Variants in HPN observed in about 807,000 individuals in gnomAD.
The protein encoded by HPN is hepsin.
A neutral mutation model predicts 55.9 loss-of-function variants in HPN; 13 were observed. The ratio of observed to expected loss-of-function variants is 0.23; its 90% CI spans 0.15 to 0.37. The LOEUF (loss-of-function observed/expected upper bound fraction) is 0.37, where lower values mean the gene tolerates loss of function less well. Among genes scored for constraint, HPN ranks in the 10% least tolerant of loss-of-function variants. HPN has a pLI of 1.00. For missense variants in HPN, 451 were observed against 575.8 expected, an observed-to-expected ratio of 0.78 and a Z score of 2.22; for synonymous variants, 225 against 240.3, an observed-to-expected ratio of 0.94 and a Z score of 0.59.
chr19:35,055,402 A>AT (rs2151761194), intron 4 of HPN, among the ~76,000 whole-genome samples: 1 of 26,300 alleles, frequency 3.8e-5, no homozygotes, highest in South Asian at 6.9e-4. Flanking sequence ...GTCTCAAAAA[A>AT]GAAAAAAAAA....
At chr19:35,055,932 C>G (rs969196917) in intron 4 of HPN, among the ~76,000 whole-genome samples, 1 of 152,112 alleles carries the variant, frequency 6.6e-6, no homozygotes, top group Non-Finnish European at 1.5e-5. Context: ...GCACCTCACA[C>G]CAGGTGCCAG....
chr19:35,064,062 C>T (rs990314857), intron 9 of HPN, among the ~76,000 whole-genome samples: 10 of 152,320 alleles, frequency 6.6e-5, no homozygotes, highest in African/African-American at 2.4e-4. Flanking sequence ...CAATGACTCA[C>T]CAATTTCTCA....
At chr19:35,049,202 T>C (rs2064377089) in intron 2 of HPN, 88 bp from the exon 3 acceptor site, 7 of 938,588 alleles carry the variant, frequency 7.5e-6, no homozygotes, top group Non-Finnish European at 1.0e-5. Context: ...AAGTTAGCCC[T>C]GGGGGCAGGG....
chr19:35,057,522 A>ATTTC (rs1967794712), intron 4 of HPN, among the ~76,000 whole-genome samples: 1 of 152,130 alleles, frequency 6.6e-6, no homozygotes, highest in African/African-American at 2.4e-5. Context: ...TTCATAAAAC[A>ATTTC]TAGAAGGGTA....
chr19:35,065,415 T>C, intron 10 of HPN, 70 bp downstream of exon 10: 1 of 1,565,848 alleles, frequency 6.4e-7, no homozygotes, highest in South Asian at 1.1e-5. Flanking sequence ...ATGGGCAGTC[T>C]GGCTGGTTGG....
At chr19:35,060,035 C>A (rs376424955) in intron 6 of HPN, 39 bp downstream of exon 6, 3 of 1,611,556 alleles carry the variant, frequency 1.9e-6, no homozygotes, top group Non-Finnish European at 2.5e-6. Flanking sequence ...ACACCTCAGA[C>A]CCCCAAGGCA....
Position 35,065,603 on chromosome 19 carries a change from C to T in HPN, c.972C>T (p.Gly324=), listed in dbSNP as rs756322874. ...VPIISNDVCN[G]ADFYGNQIKP... is the part of the protein sequence containing the mutation. ...TAATCAGCAATGATGTCTGCAATGGCGCTGACTTCTATGGAAACCAGATCA... is the reference window on the plus strand; with the variant it reads ...TAATCAGCAATGATGTCTGCAATGGTGCTGACTTCTATGGAAACCAGATCA... The change falls in exon 11 of 13, where the codon GGC becomes GGT. Residue 324 remains glycine (G), a synonymous_variant. Coordinates refer to ENST00000672452, the MANE Select transcript of HPN (RefSeq NM_001384133.1). The T allele has an allele frequency of 1.4e-5, 23 of 1,614,152 alleles. No individual in the cohort carries two copies. Among genetic ancestry groups the T allele is most frequent in the Non-Finnish European group, 1.7e-5 (20 of 1,179,998 alleles).
In HPN at chr19:35,060,392, G is replaced by A. The variant is rs756537952; in HGVS notation, c.500G>A (p.Arg167Gln). 12 of 1,612,812 alleles carry A rather than the reference G, an allele frequency of 7.4e-6. No individual in the cohort carries two copies. The highest frequency in any genetic ancestry group is 1.7e-5 in the Admixed American group (1 of 60,032). ...CCCGTGGACCGCATCGTGGGAGGCC[G>A]GGACACCAGCTTGGGCCGGTGGCCG... ...KLPVDRIVGG[R>Q]DTSLGRWPWQ... is the part of the protein sequence containing the mutation. The change falls in exon 8 of 13, where the codon CGG (arginine) becomes CAG (glutamine). Residue 167 changes from arginine to glutamine, a missense_variant. Arg to Gln is a conservative substitution (Grantham distance 43). This residue lies in a region of HPN where 378 missense variants were observed against 445.5 expected (regional missense o/e 0.85). Transcript: ENST00000672452.
intron 2 of HPN, among the ~76,000 whole-genome samples, chr19:35,047,923 G>C (rs1445891840): frequency 6.6e-6 from 1 of 151,112 alleles, no homozygotes; most frequent in Non-Finnish European, 1.5e-5. Flanking sequence ...CTGAGCGCTT[G>C]AGACTGCAGT....
chr19:35,055,482 C>T (rs765950205), intron 4 of HPN, among the ~76,000 whole-genome samples: 20 of 152,142 alleles, frequency 1.3e-4, no homozygotes, highest in African/African-American at 3.9e-4. Context: ...CTGCTCCTTC[C>T]GTCCCCATCT....
In HPN at chr19:35,050,329, G is replaced by A. The variant is rs545666635; in HGVS notation, c.160+813G>A. 5.4e-4 allele frequency: 234 copies of A among 433,336 alleles called. 1 individual carries two copies. The highest frequency in any genetic ancestry group is 1.5e-3 in the Admixed American group (60 of 38,918). 26.8% of individuals were successfully genotyped at this position (433,336 alleles called of 1,614,324 possible). ...AGTAGAGATGAGATTTCACCATGTT[G>A]GCCAGGACGGTCTCTATCTCCTGAC... On this transcript the variant is annotated intron_variant, in intron 4 of 12. Transcript: ENST00000672452.
At chr19:35,041,071 G>C (rs1262182584), upstream of HPN, among the ~76,000 whole-genome samples, 1 of 152,230 alleles carries the variant, frequency 6.6e-6, no homozygotes, top group African/African-American at 2.4e-5. Flanking sequence ...TGTGTTATCT[G>C]CCTGCGGACG....
chr19:35,051,535 C>T lies in HPN; in HGVS notation c.160+2019C>T, dbSNP rs572103277. 3.3e-5 allele frequency among the ~76,000 whole-genome samples: 5 copies of T among 152,320 alleles called. No individual in the cohort carries two copies. The East Asian group carries it at 9.6e-4, about 29-fold the overall frequency. On this transcript the variant is annotated intron_variant, in intron 4 of 12. Transcript: ENST00000672452. ...GTGCAGGGATTACAGGTGTGCACCA[C>T]CACAACCCATTTTCCTATGGGGATG...
intron 7 of HPN, 36 bp from the exon 8 acceptor site, chr19:35,060,311 C>G: frequency 6.2e-7 from 1 of 1,606,490 alleles, no homozygotes; most frequent in African/African-American, 1.3e-5. Flanking sequence ...GGCTCCAGTC[C>G]CCTGTCGCCG....
In HPN at chr19:35,049,448, C is replaced by T. The variant is rs778161568; in HGVS notation, c.119-27C>T. On this transcript the variant is annotated intron_variant, in intron 3 of 12. Transcript: ENST00000672452. The stretch of plus-strand genomic sequence containing the variant: ...CTGGCCCCTGCAGCCTCCAGCCTGC[C>T]TGCCCTCACCCCTCCCTTCTCTGCA... 1.9e-6 allele frequency: 3 copies of T among 1,613,116 alleles called. No individual in the cohort carries two copies. In the African/African-American group the frequency reaches 4.0e-5, roughly 22 times the overall value.
At chr19:35,046,763 C>T (rs1353883788) in intron 2 of HPN, among the ~76,000 whole-genome samples, 1 of 152,186 alleles carries the variant, frequency 6.6e-6, no homozygotes. Context: ...CTTTCAGCAG[C>T]CTTTACTCTT....
chr19:35,050,296 G>A, intron 4 of HPN: 1 of 378,760 alleles, frequency 2.6e-6, no homozygotes, highest in Non-Finnish European at 5.2e-6. Context: ...TTAATTTTTT[G>A]TATTTTTAGT....
chr19:35,056,350 C>G (rs936601000), intron 4 of HPN, among the ~76,000 whole-genome samples: 5 of 152,114 alleles, frequency 3.3e-5, no homozygotes, highest in Non-Finnish European at 7.4e-5. Flanking sequence ...CCACAGGGGT[C>G]GGGGTTTTTG....
chr19:35,063,057 T>C (rs757572195), intron 9 of HPN, among the ~76,000 whole-genome samples: 11 of 152,284 alleles, frequency 7.2e-5, no homozygotes, highest in African/African-American at 2.2e-4. Flanking sequence ...CTGGTAAACA[T>C]AGCAGTGTGC....
Sources: allele counts gnomAD v4.1 joint callset (sites outside exome capture counted in the v4.1 genomes callset), GRCh38; gene constraint gnomAD v4.1.1; regional missense constraint gnomAD v4.1.1; transcripts MANE v1.5; gene names NCBI Gene and HGNC (gene_info 2026-07-23, HGNC 2026-07-21).